PTPRO: variants seen among roughly 807,000 people sequenced by gnomAD.
PTPRO encodes protein tyrosine phosphatase receptor type O.
PTPRO carries 62 observed loss-of-function variants against 145.2 expected under a neutral mutation model. The observed-to-expected ratio is 0.43, with a 90% CI of 0.35 to 0.53. PTPRO has a LOEUF of 0.53. Among genes scored for constraint, PTPRO ranks in the 20% least tolerant of loss-of-function variants. PTPRO has a pLI of 0.01. For synonymous variants in PTPRO, 565 were observed against 514.7 expected (o/e 1.10, Z -1.32); for missense variants, 1,345 against 1,482.7 (o/e 0.91, Z 1.53).
intron 7 of PTPRO, among the ~76,000 whole-genome samples, chr12:15,510,065 T>A (rs2284432): frequency 2.6e-5 from 4 of 152,048 alleles, no homozygotes; most frequent in Non-Finnish European, 4.4e-5. Context: ...TTATCAATTC[T>A]TGTGGAGTAC....
intron 1 of PTPRO, among the ~76,000 whole-genome samples, chr12:15,446,380 T>C (rs1940903148): frequency 6.6e-6 from 1 of 152,226 alleles, no homozygotes; most frequent in East Asian, 1.9e-4. Flanking sequence ...ACAAAAGAGA[T>C]GGAAGGCAAG....
At chr12:15,562,153 T>C (rs866248448) in intron 17 of PTPRO, among the ~76,000 whole-genome samples, 1 of 152,096 alleles carries the variant, frequency 6.6e-6, no homozygotes, top group African/African-American at 2.4e-5. Context: ...AGTAAAAACA[T>C]ACTGGATATA....
intron 25 of PTPRO, among the ~76,000 whole-genome samples, chr12:15,590,850 T>G (rs1944536315): frequency 6.6e-6 from 1 of 152,240 alleles, no homozygotes; most frequent in Non-Finnish European, 1.5e-5. Flanking sequence ...AAGTTTAAAA[T>G]GTCTGGTTTC....
intron 1 of PTPRO, among the ~76,000 whole-genome samples, chr12:15,415,901 A>G (rs887200870): frequency 6.6e-6 from 1 of 151,736 alleles, no homozygotes; most frequent in Non-Finnish European, 1.5e-5. Context: ...TATAATCAAC[A>G]GGTAACAATC....
At chr12:15,528,688 C>G (rs974891818) in intron 12 of PTPRO, among the ~76,000 whole-genome samples, 22 of 151,676 alleles carry the variant, frequency 1.5e-4, no homozygotes, top group Admixed American at 9.2e-4. Context: ...CTGAGAATAC[C>G]AAACAGATAC....
At position 15,508,603 on chromosome 12, in the gene PTPRO, G is replaced by A. The variant is rs371348326; in HGVS notation, c.1300G>A (p.Glu434Lys). 121 of 1,613,916 alleles carry A rather than the reference G, an allele frequency of 7.5e-5. No individual in the cohort carries two copies. Among genetic ancestry groups the A allele is most frequent in the East Asian group, 2.5e-4 (11 of 44,858 alleles). Residue 434 changes from glutamate (E) to lysine (K), a missense_variant, in exon 7 of 27, where the codon GAG (glutamate) becomes AAG (lysine). Physicochemically the swap from Glu to Lys is moderately conservative, Grantham distance 56 (BLOSUM62 1). This residue lies in a region of PTPRO where 1,130 missense variants were observed against 1,214.7 expected (regional missense o/e 0.93). Transcript: ENST00000281171. ...PSGEWIEELT[E>K]KPQHVSVHVL... ...AGGAGAGTGGATTGAAGAACTGACCGAGAAGCCGCAGCACGTGAGTGTCCA... is the reference window on the plus strand; with the variant it reads ...AGGAGAGTGGATTGAAGAACTGACCAAGAAGCCGCAGCACGTGAGTGTCCA...
intron 23 of PTPRO, 81 bp from the exon 24 acceptor site, chr12:15,586,816 C>T: frequency 6.5e-7 from 1 of 1,533,274 alleles, no homozygotes; most frequent in Non-Finnish European, 9.0e-7. Flanking sequence ...TACCTTTTTG[C>T]ATGCTTAACT....
At chr12:15,339,905 A>G (rs1185894838) in intron 1 of PTPRO, among the ~76,000 whole-genome samples, 1 of 152,154 alleles carries the variant, frequency 6.6e-6, no homozygotes, top group Non-Finnish European at 1.5e-5. Flanking sequence ...TATGTACATA[A>G]CCATGCCACC....
intron 2 of PTPRO, among the ~76,000 whole-genome samples, chr12:15,494,603 A>C (rs1269831832): frequency 6.6e-6 from 1 of 152,212 alleles, no homozygotes; most frequent in Non-Finnish European, 1.5e-5. Flanking sequence ...ATTTACACTG[A>C]AGCTGAGGGA....
intron 16 of PTPRO, 30 bp downstream of exon 16, chr12:15,557,553 A>C: frequency 6.3e-7 from 1 of 1,592,262 alleles, no homozygotes; most frequent in Non-Finnish European, 8.6e-7. Context: ...AAGCTTCTAC[A>C]TAGTTTAACT....
chr12:15,366,332 TG>T (rs1190746119), intron 1 of PTPRO, among the ~76,000 whole-genome samples: 32 of 149,510 alleles, frequency 2.1e-4, no homozygotes, highest in African/African-American at 6.8e-4. Context: ...AAGTTACCAG[TG>T]GTATATGGTG....
chr12:15,324,723 G>A (rs1866397307), intron 1 of PTPRO, among the ~76,000 whole-genome samples: 1 of 152,066 alleles, frequency 6.6e-6, no homozygotes, highest in Non-Finnish European at 1.5e-5. Context: ...AGAAAAAACT[G>A]TATATATTAA....
chr12:15,461,407 C>T (rs1232780697), intron 1 of PTPRO, among the ~76,000 whole-genome samples: 2 of 152,054 alleles, frequency 1.3e-5, no homozygotes, highest in Non-Finnish European at 2.9e-5. Flanking sequence ...GACATATGTG[C>T]TCAGTGTCTG....
At chr12:15,474,330 C>T (rs1400746032) in intron 1 of PTPRO, among the ~76,000 whole-genome samples, 1 of 152,196 alleles carries the variant, frequency 6.6e-6, no homozygotes, top group Non-Finnish European at 1.5e-5. Flanking sequence ...CCCACTCTGT[C>T]TCCAGTAGCT....
intron 12 of PTPRO, among the ~76,000 whole-genome samples, chr12:15,544,825 C>T (rs1261837920): frequency 2.0e-5 from 3 of 152,158 alleles, no homozygotes; most frequent in Non-Finnish European, 4.4e-5. Context: ...TAGCAGTCTT[C>T]CTCAGAGCAG....
intron 1 of PTPRO, among the ~76,000 whole-genome samples, chr12:15,385,620 T>C (rs1426030359): frequency 6.6e-6 from 1 of 152,072 alleles, no homozygotes; most frequent in Non-Finnish European, 1.5e-5. Flanking sequence ...GAGACCATCC[T>C]GGCTAACATG....
chr12:15,487,766 A>G (rs940658269), intron 2 of PTPRO, among the ~76,000 whole-genome samples: 1 of 152,166 alleles, frequency 6.6e-6, no homozygotes, highest in Non-Finnish European at 1.5e-5. Context: ...GAAATGTTCT[A>G]TGTCCATATT....
At chr12:15,507,016 C>A (rs1942334036) in intron 6 of PTPRO, among the ~76,000 whole-genome samples, 2 of 152,154 alleles carry the variant, frequency 1.3e-5, no homozygotes, top group Non-Finnish European at 1.5e-5. Flanking sequence ...TGGAATCAGA[C>A]TTCCTGTGTG....
chr12:15,474,433 G>A (rs891592128), intron 1 of PTPRO, among the ~76,000 whole-genome samples: 7 of 152,064 alleles, frequency 4.6e-5, no homozygotes, highest in African/African-American at 1.4e-4. Context: ...TTGCTGCCTC[G>A]GTTAGCTGGC....
Sources: allele counts gnomAD v4.1 joint callset (sites outside exome capture counted in the v4.1 genomes callset), GRCh38; gene constraint gnomAD v4.1.1; regional missense constraint gnomAD v4.1.1; transcripts MANE v1.5; gene names NCBI Gene and HGNC (gene_info 2026-07-23, HGNC 2026-07-21).